The following CRACDL variants were observed in gnomAD, a reference collection of about 807,000 sequenced individuals.
The protein encoded by CRACDL is CRACD-like protein.
In CRACDL, 26 loss-of-function variants were observed where a neutral mutation model predicts 70.6. That is an observed-to-expected ratio of 0.37 (90% CI 0.27 to 0.51). The LOEUF (loss-of-function observed/expected upper bound fraction) is 0.51, where lower values mean the gene tolerates loss of function less well. Among genes scored for constraint, CRACDL ranks in the 20% least tolerant of loss-of-function variants. The pLI, the probability that CRACDL is intolerant of heterozygous loss-of-function variation, is 0.94. For missense variants in CRACDL, 1,283 were observed against 1,376.9 expected (o/e 0.93, Z 1.08); for synonymous variants, 618 against 615.2 (o/e 1.00, Z -0.07).
intron 7 of CRACDL, among the ~76,000 whole-genome samples, chr2:98,807,968 C>G (rs1704388023): frequency 6.6e-6 from 1 of 152,198 alleles, no homozygotes; most frequent in African/African-American, 2.4e-5. Context: ...CCCAGTAAAA[C>G]TTTGTATAAT....
chr2:98,913,542 C>A (rs1210240510), intron 1 of CRACDL, among the ~76,000 whole-genome samples: 1 of 152,024 alleles, frequency 6.6e-6, no homozygotes, highest in East Asian at 1.9e-4. Context: ...TGGGAAGGAC[C>A]CACGGGGCTG....
At chr2:98,892,186 G>T (rs980323155) in intron 1 of CRACDL, among the ~76,000 whole-genome samples, 1 of 152,050 alleles carries the variant, frequency 6.6e-6, no homozygotes, top group Non-Finnish European at 1.5e-5. Flanking sequence ...CCACCTCTGG[G>T]AATCTATTCT....
At chr2:98,859,361 A>G (rs1416493215) in intron 1 of CRACDL, among the ~76,000 whole-genome samples, 2 of 152,236 alleles carry the variant, frequency 1.3e-5, no homozygotes, top group Non-Finnish European at 2.9e-5. Flanking sequence ...CAAAAATCAC[A>G]TGATCACTTT....
rs904068037 is a variant in CRACDL at position 98,823,641 on chromosome 2, A to G, written c.736-104T>C. Reference sequence around the variant, plus strand: ...CTTATAATGGTTTAGTGATAGCAGCACTATAAAGCTGGCACTTAAGTAGGC... The same window carrying G: ...CTTATAATGGTTTAGTGATAGCAGCGCTATAAAGCTGGCACTTAAGTAGGC... On this transcript the variant is annotated intron_variant, in intron 6 of 9. Coordinates refer to ENST00000397899, the MANE Select transcript of CRACDL (RefSeq NM_207362.3). This position sits in a 1 kb window ranked among gnomAD's most constrained non-coding sequence, Gnocchi z 4.0. 2.1e-6 allele frequency: 3 copies of G among 1,410,728 alleles called. No individual in the cohort carries two copies. Among genetic ancestry groups the G allele is most frequent in the Non-Finnish European group, 1.9e-6 (2 of 1,037,264 alleles). 87.4% of individuals were successfully genotyped at this position (1,410,728 alleles called of 1,614,324 possible).
chr2:98,822,645 T>A lies in CRACDL; in HGVS notation c.1628A>T (p.Glu543Val), dbSNP rs1209552638. ...EAAAPERPKA[E>V]RAEAPPAGAE... ...GCCCGCCGGTGGCGCCTCGGCTCGC[T>A]CGGCCTTGGGGCGCTCCGGGGCGGC... is the stretch of plus-strand genomic sequence containing the variant. The change falls in exon 7 of 10, where the codon GAG (glutamate) becomes GTG (valine). Residue 543 changes from glutamate to valine, a missense_variant. By Grantham distance (121) the Glu-to-Val change is moderately radical. Around this residue, in one of 2 missense-constraint regions of CRACDL, gnomAD observed 921 missense variants for 881.9 expected, o/e 1.04. Transcript: ENST00000397899. The surrounding 1 kb of genome is among the most constrained non-coding windows in gnomAD (Gnocchi z 4.9). 3.7e-6 allele frequency: 5 copies of A among 1,360,804 alleles called. No homozygotes were observed. In the South Asian group the frequency reaches 8.7e-5, roughly 24 times the overall value. 84.3% of individuals were successfully genotyped at this position (1,360,804 alleles called of 1,614,324 possible). A position where few individuals can be genotyped will look rare whatever the true frequency, so the allele number is the denominator to read the frequency against.
intron 7 of CRACDL, among the ~76,000 whole-genome samples, chr2:98,814,719 T>C (rs2104445235): frequency 6.6e-6 from 1 of 152,256 alleles, no homozygotes; most frequent in East Asian, 1.9e-4. Flanking sequence ...CTAATTGAAA[T>C]ATCCTTTCTG....
chr2:98,832,768 C>T (rs930635978), intron 4 of CRACDL, 94 bp downstream of exon 4: 148 of 1,486,446 alleles, frequency 1.0e-4, no homozygotes, highest in Non-Finnish European at 1.3e-4. Flanking sequence ...TTCTACTTTA[C>T]AGCATATCAA....
chr2:98,903,680 A>C (rs899947951), intron 1 of CRACDL, among the ~76,000 whole-genome samples: 1 of 152,248 alleles, frequency 6.6e-6, no homozygotes, highest in Admixed American at 6.5e-5. Context: ...AACCATTTGC[A>C]TCTGATTAAC....
intron 1 of CRACDL, among the ~76,000 whole-genome samples, chr2:98,869,809 C>T (rs1361973481): frequency 6.6e-6 from 1 of 152,210 alleles, no homozygotes; most frequent in Non-Finnish European, 1.5e-5. Context: ...CCTTAAAGGC[C>T]CATCGTGTTA....
chr2:98,927,923 G>A (rs1460681026), intron 1 of CRACDL, among the ~76,000 whole-genome samples: 3 of 151,400 alleles, frequency 2.0e-5, no homozygotes, highest in African/African-American at 7.4e-5. Flanking sequence ...GCTCATGCCT[G>A]TAATCCCAGC....
intron 1 of CRACDL, among the ~76,000 whole-genome samples, chr2:98,849,973 A>G (rs899021472): frequency 5.9e-5 from 9 of 152,220 alleles, no homozygotes; most frequent in Admixed American, 1.3e-4. Context: ...CATGGCATGC[A>G]GCAAGCACAA....
chr2:98,920,201 T>C (rs1256512938), intron 1 of CRACDL, among the ~76,000 whole-genome samples: 4 of 152,214 alleles, frequency 2.6e-5, no homozygotes, highest in African/African-American at 9.6e-5. Flanking sequence ...GCTGAACATC[T>C]CTACCTGTAC....
chr2:98,809,930 G>A (rs1282583017), intron 7 of CRACDL, among the ~76,000 whole-genome samples: 1 of 152,192 alleles, frequency 6.6e-6, no homozygotes, highest in Non-Finnish European at 1.5e-5. Flanking sequence ...AAGACTCAGA[G>A]TTTACAAGAC....
At chr2:98,859,915 A>G (rs1027525105) in intron 1 of CRACDL, among the ~76,000 whole-genome samples, 8 of 152,216 alleles carry the variant, frequency 5.3e-5, no homozygotes, top group Admixed American at 2.6e-4. Flanking sequence ...ATGTTGAGGG[A>G]TCCATTAAAA....
At chr2:98,819,522 G>A (rs1434593032) in intron 7 of CRACDL, among the ~76,000 whole-genome samples, 1 of 152,212 alleles carries the variant, frequency 6.6e-6, no homozygotes, top group East Asian at 1.9e-4. Context: ...CTACTGCAGT[G>A]GCAGCAGCAA....
chr2:98,852,165 G>C (rs1243934042), intron 1 of CRACDL, among the ~76,000 whole-genome samples: 1 of 152,134 alleles, frequency 6.6e-6, no homozygotes, highest in Non-Finnish European at 1.5e-5. Flanking sequence ...AAACTTCAGA[G>C]AGAGGAGCAC....
chr2:98,836,198 G>A (rs891382753), intron 3 of CRACDL, among the ~76,000 whole-genome samples: 3 of 152,196 alleles, frequency 2.0e-5, no homozygotes, highest in Non-Finnish European at 2.9e-5. Context: ...ACACAGACAC[G>A]ATAAATGGGC....
At chr2:98,892,873 C>T (rs1447177950) in intron 1 of CRACDL, among the ~76,000 whole-genome samples, 1 of 152,108 alleles carries the variant, frequency 6.6e-6, no homozygotes, top group Non-Finnish European at 1.5e-5. Flanking sequence ...CCCACTGCAC[C>T]CTTCCTCACA....
chr2:98,890,759 C>A (rs1707942075), intron 1 of CRACDL, among the ~76,000 whole-genome samples: 1 of 152,180 alleles, frequency 6.6e-6, no homozygotes, highest in Admixed American at 6.5e-5. Context: ...ATGCCCAAAG[C>A]ATTTGAAACT....
Sources: allele counts gnomAD v4.1 joint callset (sites outside exome capture counted in the v4.1 genomes callset), GRCh38; gene constraint gnomAD v4.1.1; regional missense constraint gnomAD v4.1.1; non-coding constraint Gnocchi (gnomAD v3.1); transcripts MANE v1.5; gene names NCBI Gene and HGNC (gene_info 2026-07-23, HGNC 2026-07-21).